Variants in RSL1D1 observed in about 807,000 individuals in gnomAD.
RSL1D1 encodes the protein ribosomal L1 domain containing 1.
RSL1D1 carries 34 observed loss-of-function variants against 44.6 expected under a neutral mutation model. The ratio of observed to expected loss-of-function variants is 0.76; its 90% CI spans 0.58 to 1.02. The LOEUF (loss-of-function observed/expected upper bound fraction) is 1.02. RSL1D1 is among the 50% of genes least tolerant of loss of function. The probability of loss-of-function intolerance (pLI) is 0.00; values close to 1 mark genes in which losing one functional copy is unlikely to be tolerated. For missense variants in RSL1D1, 767 were observed against 568.1 expected, an observed-to-expected ratio of 1.35 and a Z score of -3.56; for synonymous variants, 271 against 207.4, an observed-to-expected ratio of 1.31 and a Z score of -2.63.
intron 8 of RSL1D1, among the ~76,000 whole-genome samples, chr16:11,838,674 T>G: frequency 2.0e-5 from 3 of 150,940 alleles, no homozygotes; most frequent in Middle Eastern, 3.4e-3. Flanking sequence ...CTGGCCAACA[T>G]GGCAAAACCC....
Position 11,841,791 on chromosome 16 carries a change from C to T in RSL1D1, c.759G>A (p.Val253=). The change falls in exon 7 of 9, where the codon GTG becomes GTA. Residue 253 remains valine (V), a synonymous_variant. Coordinates refer to ENST00000571133, the MANE Select transcript of RSL1D1 (RefSeq NM_015659.3). The part of the protein sequence containing the change: ...EKWESVKLLF[V]KTEKSAALPI... ...GAAGTGCAGCCGATTTCTCAGTTTTCACAAACAGGAGTTTCACGCTCTCCC... is the reference window on the plus strand; with the variant it reads ...GAAGTGCAGCCGATTTCTCAGTTTTTACAAACAGGAGTTTCACGCTCTCCC... 6.2e-7 allele frequency: 1 copy of T among 1,614,054 alleles called. No individual in the cohort carries two copies. Among genetic ancestry groups the T allele is most frequent in the Non-Finnish European group, 8.5e-7 (1 of 1,179,990 alleles).
chr16:11,840,089 A>G (rs2053754881), intron 7 of RSL1D1, 104 bp from the exon 8 acceptor site: 3 of 1,496,730 alleles, frequency 2.0e-6, no homozygotes, highest in Admixed American at 2.2e-5. Flanking sequence ...AAGCCCCTAA[A>G]TGGACCTCGA....
chr16:11,841,429 C>A (rs1309891604), intron 7 of RSL1D1: 2 of 304,040 alleles, frequency 6.6e-6, no homozygotes, highest in African/African-American at 4.4e-5. Context: ...CCAGCAAGCA[C>A]TGGATCTAAC....
chr16:11,846,135 G>C (rs1596441773), intron 5 of RSL1D1, among the ~76,000 whole-genome samples: 1 of 150,994 alleles, frequency 6.6e-6, no homozygotes, highest in East Asian at 2.0e-4. Flanking sequence ...GCTCACGCCT[G>C]TAATCCCAGC....
At position 11,841,775 on chromosome 16, in the gene RSL1D1, C is replaced by A; in HGVS notation, c.775G>T (p.Ala259Ser). 2.5e-6 allele frequency: 4 copies of A among 1,614,038 alleles called. No individual in the cohort carries two copies. Among genetic ancestry groups the A allele is most frequent in the Non-Finnish European group, 3.4e-6 (4 of 1,179,970 alleles). Residue 259 changes from alanine to serine, a missense_variant, in exon 7 of 9, where the codon GCT (alanine) becomes TCT (serine). Transcript: ENST00000571133. ...AACGAGGAAAAGATGGGAAGTGCAG[C>A]CGATTTCTCAGTTTTCACAAACAGG... ...KLLFVKTEKS[A>S]ALPIFSSFVS...
In RSL1D1 at chr16:11,843,803, G is replaced by A. The variant is rs548992315; in HGVS notation, c.636-1803C>T. ...GAAGAATGGTGTGAACCCGGCAGGC[G>A]GAGCTTGCAGTGAGCTGAGATCAAG... On this transcript the variant is annotated intron_variant, in intron 5 of 8. Transcript: ENST00000571133. 4.6e-3 allele frequency among the ~76,000 whole-genome samples: 685 copies of A among 147,330 alleles called. 5 individuals carry two copies. Among genetic ancestry groups the A allele is most frequent in the Non-Finnish European group, 6.1e-3 (409 of 67,190 alleles).
rs947777121 is a variant in RSL1D1, at chr16:11,836,178, G to C, written c.*1609C>G. On this transcript the variant is annotated 3_prime_UTR_variant, in exon 9 of 9. Coordinates refer to ENST00000571133, the MANE Select transcript of RSL1D1 (RefSeq NM_015659.3). The stretch of plus-strand genomic sequence containing the variant: ...TTCTTTGTTGGATTACCAATAAATA[G>C]TGTGGGCTCCCAGAGCTCACGGCCT... 2 of 152,178 alleles carry C rather than the reference G, an allele frequency of 1.3e-5. No homozygotes were observed. Among genetic ancestry groups the C allele is most frequent in the African/African-American group, 2.4e-5 (1 of 41,428 alleles). 9.4% of individuals were successfully genotyped at this position (152,178 alleles called of 1,614,324 possible).
rs1200184585 is a variant in RSL1D1 at position 11,847,805 on chromosome 16, T to C, written c.247A>G (p.Thr83Ala). The stretch of plus-strand genomic sequence containing the variant: ...TCTGATCGAATACTATGAGGCAAGG[T>C]CCTACAAAATACGTGAAAAGAAACC... ...IPSKELRVRL[T>A]LPHSIRSDSE... The change falls in exon 3 of 9, where the codon ACC (threonine) becomes GCC (alanine). Residue 83 changes from threonine to alanine, a missense_variant and splice_region_variant. Coordinates refer to ENST00000571133, the MANE Select transcript of RSL1D1 (RefSeq NM_015659.3). 7 of 1,612,322 alleles carry C rather than the reference T, an allele frequency of 4.3e-6. No individual in the cohort carries two copies. The highest frequency in any genetic ancestry group is 5.9e-6 in the Non-Finnish European group (7 of 1,179,498).
chr16:11,839,962 T>C lies in RSL1D1; in HGVS notation c.879A>G (p.Glu293=). 2.5e-6 allele frequency: 4 copies of C among 1,612,494 alleles called. No homozygotes were observed. The highest frequency in any genetic ancestry group is 3.4e-6 in the Non-Finnish European group (4 of 1,179,482). The change falls in exon 8 of 9, where the codon GAA becomes GAG. Residue 293 remains glutamate, a synonymous_variant. Coordinates refer to ENST00000571133, the MANE Select transcript of RSL1D1 (RefSeq NM_015659.3). ...TCTCCTTTTGTTTTTCAAAATTTCT[T>C]TCTCTTCGTTTTCTCCTTGCCTCCT... is the stretch of plus-strand genomic sequence containing the variant. ...KKKEARRKRR[E]RNFEKQKERK... is the part of the protein sequence containing the mutation.
rs749649706 is a variant in RSL1D1, at chr16:11,839,754, C to A, written c.1087G>T (p.Asp363Tyr). The part of the protein sequence containing the change: ...AQVKATNESE[D>Y]EIPQLVPIGK... ...ATTGGTACCAGCTGTGGGATTTCGT[C>A]TTCGGATTCATTTGTTGCTTTAACT... Residue 363 changes from aspartate (D) to tyrosine (Y), a missense_variant, in exon 8 of 9, where the codon GAC becomes TAC. Coordinates refer to ENST00000571133, the MANE Select transcript of RSL1D1 (RefSeq NM_015659.3). 8.3e-5 allele frequency: 134 copies of A among 1,613,986 alleles called. 1 individual carries two copies. The South Asian group carries it at 1.4e-3, about 17-fold the overall frequency.
intron 1 of RSL1D1, 27 bp from the exon 2 acceptor site, chr16:11,850,445 G>A (rs1200254897): frequency 6.3e-6 from 10 of 1,582,464 alleles, no homozygotes; most frequent in East Asian, 2.3e-5. Context: ...AGACAAATAA[G>A]TGAAATGTTT....
chr16:11,851,509 C>T lies in RSL1D1; in HGVS notation c.4G>A (p.Glu2Lys). ...GACAGCGAGGCCGAGGCCGAATCCT[C>T]CATCTTGTTTCCACCTCGTGAAGAG... The part of the protein sequence containing the change: M[E>K]DSASASLSSA... Residue 2 changes from glutamate (E) to lysine (K), a missense_variant, in exon 1 of 9, where the codon GAG becomes AAG. Coordinates refer to ENST00000571133, the MANE Select transcript of RSL1D1 (RefSeq NM_015659.3). The T allele has an allele frequency of 6.2e-7, 1 of 1,613,494 alleles. No individual in the cohort carries two copies. The highest frequency in any genetic ancestry group is 8.5e-7 in the Non-Finnish European group (1 of 1,179,886).
chr16:11,849,950 C>T (rs550324479), intron 2 of RSL1D1, among the ~76,000 whole-genome samples: 2 of 152,180 alleles, frequency 1.3e-5, no homozygotes, highest in Non-Finnish European at 1.5e-5. Flanking sequence ...GCCTCAGCCT[C>T]CCGAGTAGCT....
chr16:11,847,630 C>T (rs770906796), intron 3 of RSL1D1, 38 bp downstream of exon 3: 2 of 1,548,742 alleles, frequency 1.3e-6, no homozygotes, highest in Non-Finnish European at 1.8e-6. Context: ...TGAATTAAAT[C>T]CTCTAAATAA....
chr16:11,841,199 C>G (rs1021603175), intron 7 of RSL1D1, among the ~76,000 whole-genome samples: 1 of 152,012 alleles, frequency 6.6e-6, no homozygotes, highest in African/African-American at 2.4e-5. Context: ...CGCTTGAGCT[C>G]AAGAATTCAA....
Position 11,846,580 on chromosome 16 carries a change from G to A in RSL1D1, c.556C>T (p.Leu186=). The A allele has an allele frequency of 1.2e-6, 2 of 1,609,630 alleles. No individual in the cohort carries two copies. The highest frequency in any genetic ancestry group is 1.7e-6 in the Non-Finnish European group (2 of 1,177,194). Residue 186 remains leucine, a synonymous_variant, in exon 5 of 9, where the codon CTG becomes TTG. Coordinates refer to ENST00000571133, the MANE Select transcript of RSL1D1 (RefSeq NM_015659.3). Reference sequence around the variant, plus strand: ...ATCTCTCTTGATAAATTCTTGGACAGAAGGTTTACAGATACTGGAACTCTA... The same window carrying A: ...ATCTCTCTTGATAAATTCTTGGACAAAAGGTTTACAGATACTGGAACTCTA... ...RKKVPVSVNL[L]SKNLSREIND... is the part of the protein sequence containing the mutation.
chr16:11,838,149 G>T, intron 8 of RSL1D1, 36 bp from the exon 9 acceptor site: 1 of 1,490,002 alleles, frequency 6.7e-7, no homozygotes, highest in Non-Finnish European at 9.0e-7. Flanking sequence ...TATAGAAAAA[G>T]CCACAAAACC....
intron 7 of RSL1D1, 81 bp from the exon 8 acceptor site, chr16:11,840,066 T>G (rs2053754673): frequency 6.5e-7 from 1 of 1,542,448 alleles, no homozygotes; most frequent in Non-Finnish European, 8.7e-7. Flanking sequence ...CACGTGCAGT[T>G]TTGATTATCC....
intron 1 of RSL1D1, chr16:11,851,073 G>A: frequency 2.6e-6 from 1 of 388,528 alleles, no homozygotes; most frequent in Non-Finnish European, 4.9e-6. Context: ...GGGAGCCGAA[G>A]GGCCCACTTT....
Sources: allele counts gnomAD v4.1 joint callset (sites outside exome capture counted in the v4.1 genomes callset), GRCh38; gene constraint gnomAD v4.1.1; transcripts MANE v1.5; gene names NCBI Gene and HGNC (gene_info 2026-07-23, HGNC 2026-07-21).